Variants in ARIH1 observed in about 807,000 individuals in gnomAD.
ARIH1 encodes ariadne RBR E3 ubiquitin protein ligase 1.
Under a neutral mutation model 85.0 loss-of-function variants are expected in ARIH1, and 8 were observed. That is an observed-to-expected ratio of 0.09 (90% CI 0.06 to 0.17). ARIH1 has a LOEUF of 0.17. Ranked by LOEUF, ARIH1 falls within the 10% of genes least tolerant of loss-of-function variation. ARIH1 has a pLI of 1.00. For missense variants in ARIH1, 311 were observed against 718.1 expected, an observed-to-expected ratio of 0.43 and a Z score of 6.48; for synonymous variants, 238 against 253.6, an observed-to-expected ratio of 0.94 and a Z score of 0.59.
intron 1 of ARIH1, among the ~76,000 whole-genome samples, chr15:72,477,127 G>C (rs2063798040): frequency 6.6e-6 from 1 of 152,196 alleles, no homozygotes; most frequent in Non-Finnish European, 1.5e-5. Context: ...TTTCAGAAAA[G>C]TTATGCTAGT....
At chr15:72,482,710 A>AG (rs2063821079) in intron 1 of ARIH1, among the ~76,000 whole-genome samples, 1 of 152,192 alleles carries the variant, frequency 6.6e-6, no homozygotes, top group Non-Finnish European at 1.5e-5. Flanking sequence ...GCTTAAAAAA[A>AG]CAAGGATCTG....
rs918145522 is a variant in ARIH1, at chr15:72,587,144, T to G, written c.*3852T>G. 22 of 461,718 alleles carry G rather than the reference T, an allele frequency of 4.8e-5. 1 individual carries two copies. The highest frequency in any genetic ancestry group is 9.6e-5 in the Non-Finnish European group (22 of 228,108). The allele number at this position is 461,718 out of a possible 1,614,324, so 28.6% of individuals were successfully genotyped here. A position where few individuals can be genotyped will look rare whatever the true frequency, so the allele number is the denominator to read the frequency against. The stretch of plus-strand genomic sequence containing the variant: ...AAACAAGTGGAGAAGAAATTGCCAT[T>G]TTTTATAAAGGAGGAAGATAAGGCT... On this transcript the variant is annotated 3_prime_UTR_variant, in exon 14 of 14. Transcript: ENST00000379887.
chr15:72,534,493 A>C (rs1479924031), intron 2 of ARIH1, among the ~76,000 whole-genome samples: 2 of 152,216 alleles, frequency 1.3e-5, no homozygotes, highest in Non-Finnish European at 2.9e-5. Flanking sequence ...ACACAGACAT[A>C]GGAAAAGGAT....
chr15:72,476,457 C>T (rs1048390550), intron 1 of ARIH1, among the ~76,000 whole-genome samples: 2 of 152,124 alleles, frequency 1.3e-5, no homozygotes, highest in African/African-American at 2.4e-5. Context: ...CTCCGCCTGC[C>T]GGGTTCATGC....
chr15:72,503,078 C>T lies in ARIH1; in HGVS notation c.376-14989C>T, dbSNP rs146519846. 3.9e-4 allele frequency among the ~76,000 whole-genome samples: 60 copies of T among 152,306 alleles called. 1 individual carries two copies. In the Middle Eastern group the frequency reaches 0.014, roughly 35 times the overall value. ...TTGTCTCCCTTAGCCCCACTAGGTG[C>T]TTCTCTGTCCTAAGTAGTCTAGAAG... On this transcript the variant is annotated intron_variant, in intron 1 of 13. Transcript: ENST00000379887.
At chr15:72,482,803 A>G (rs1382100860) in intron 1 of ARIH1, among the ~76,000 whole-genome samples, 1 of 151,112 alleles carries the variant, frequency 6.6e-6, no homozygotes, top group Non-Finnish European at 1.5e-5. Flanking sequence ...CAAGGCTGCA[A>G]CCAAGGTGAC....
At chr15:72,536,727 T>C (rs1341542093) in intron 2 of ARIH1, among the ~76,000 whole-genome samples, 2 of 152,200 alleles carry the variant, frequency 1.3e-5, no homozygotes, top group Non-Finnish European at 2.9e-5. Flanking sequence ...CCTGCCTTCA[T>C]CCTGGCTCAG....
chr15:72,476,850 A>G (rs569965087), intron 1 of ARIH1, among the ~76,000 whole-genome samples: 228 of 152,334 alleles, frequency 1.5e-3, no homozygotes, highest in Non-Finnish European at 2.8e-3. Flanking sequence ...TTGTGTTTTC[A>G]GTGGAAAAAC....
At position 72,583,392 on chromosome 15, in the gene ARIH1, C is replaced by T. The variant is rs2064302426; in HGVS notation, c.*100C>T. ...CAAACAAGGAGGCACTAAGCCTATT[C>T]TGACACCACTGGTCTGTAGTACCAG... On this transcript the variant is annotated 3_prime_UTR_variant, in exon 14 of 14. Transcript: ENST00000379887. 1.2e-6 allele frequency: 1 copy of T among 841,940 alleles called. No homozygotes were observed. The highest frequency in any genetic ancestry group is 1.7e-5 in the African/African-American group (1 of 58,914). 52.2% of individuals were successfully genotyped at this position (841,940 alleles called of 1,614,324 possible). A position where few individuals can be genotyped will look rare whatever the true frequency, so the allele number is the denominator to read the frequency against.
chr15:72,559,166 A>G (rs2064187164), intron 5 of ARIH1, among the ~76,000 whole-genome samples: 1 of 152,212 alleles, frequency 6.6e-6, no homozygotes, highest in Admixed American at 6.5e-5. Context: ...TTCACATCCC[A>G]CAAATAACTA....
rs1203271393 is a variant in ARIH1 at position 72,474,444 on chromosome 15, C to T, written c.-196C>T. Reference sequence around the variant, plus strand: ...CAAGCGGCCCCCTCGCTCCCTCCCTCCCTCCTCCGCGCCCTCCCCGCCGCC... The same window carrying T: ...CAAGCGGCCCCCTCGCTCCCTCCCTTCCTCCTCCGCGCCCTCCCCGCCGCC... On this transcript the variant is annotated 5_prime_UTR_variant, in exon 1 of 14. Coordinates refer to ENST00000379887, the MANE Select transcript of ARIH1 (RefSeq NM_005744.5). The T allele has an allele frequency of 1.2e-5, 8 of 688,962 alleles. No individual in the cohort carries two copies. In the East Asian group the frequency reaches 2.6e-4, roughly 22 times the overall value. 42.7% of individuals were successfully genotyped at this position (688,962 alleles called of 1,614,324 possible). A position where few individuals can be genotyped will look rare whatever the true frequency, so the allele number is the denominator to read the frequency against.
In ARIH1 at chr15:72,491,100, A is replaced by C. The variant is rs573214622; in HGVS notation, c.375+16086A>C. On this transcript the variant is annotated intron_variant, in intron 1 of 13. Coordinates refer to ENST00000379887, the MANE Select transcript of ARIH1 (RefSeq NM_005744.5). ...CACTGCACTCCAGGCTGGATGACAG[A>C]GTAAGACTCTTGTCTCGAAAAAAAT... 7.2e-5 allele frequency among the ~76,000 whole-genome samples: 11 copies of C among 152,350 alleles called. No homozygotes were observed. In the South Asian group the frequency reaches 2.3e-3, roughly 32 times the overall value.
rs1054207745 is a variant in ARIH1, at chr15:72,595,084, T to G, written c.*11792T>G. 2 of 152,198 alleles carry G rather than the reference T, an allele frequency of 1.3e-5. No individual in the cohort carries two copies. Among genetic ancestry groups the G allele is most frequent in the African/African-American group, 4.8e-5 (2 of 41,450 alleles). 9.4% of individuals were successfully genotyped at this position (152,198 alleles called of 1,614,324 possible). A position where few individuals can be genotyped will look rare whatever the true frequency, so the allele number is the denominator to read the frequency against. ...GCGTTTTTAGCTTTTAATAAGATTA[T>G]TATGTATTTCTCTTTTTATTTTGTT... is the stretch of plus-strand genomic sequence containing the variant. On this transcript the variant is annotated 3_prime_UTR_variant, in exon 14 of 14. Transcript: ENST00000379887.
At chr15:72,475,191 C>A (rs528800456) in intron 1 of ARIH1, 177 bp downstream of exon 1, 1 of 1,317,680 alleles carries the variant, frequency 7.6e-7, no homozygotes, top group Non-Finnish European at 9.8e-7. Flanking sequence ...AGAGGTTCGC[C>A]GATTAGCCGG....
intron 2 of ARIH1, among the ~76,000 whole-genome samples, chr15:72,535,236 C>T (rs1229489048): frequency 5.3e-5 from 8 of 152,114 alleles, no homozygotes; most frequent in African/African-American, 1.9e-4. Context: ...CAGGCGTGAG[C>T]CACCGCGCCC....
intron 11 of ARIH1, among the ~76,000 whole-genome samples, chr15:72,576,282 G>C (rs1306094825): frequency 6.6e-6 from 1 of 151,990 alleles, no homozygotes; most frequent in African/African-American, 2.4e-5. Flanking sequence ...GAGGCGGGCG[G>C]ATCACAAGGT....
chr15:72,552,488 C>A (rs1286915587), intron 3 of ARIH1, among the ~76,000 whole-genome samples: 1 of 152,104 alleles, frequency 6.6e-6, no homozygotes, highest in Non-Finnish European at 1.5e-5. Context: ...CAGGGTTTCG[C>A]CATGTTGGCC....
intron 1 of ARIH1, among the ~76,000 whole-genome samples, chr15:72,490,804 C>T (rs2063856069): frequency 6.6e-6 from 1 of 152,072 alleles, no homozygotes; most frequent in Non-Finnish European, 1.5e-5. Flanking sequence ...TGTTTTGAGC[C>T]TTTGAGTCCC....
chr15:72,602,135 A>G lies in ARIH1; in HGVS notation c.*18843A>G, dbSNP rs905569330. 2.0e-5 allele frequency: 3 copies of G among 152,256 alleles called. No individual in the cohort carries two copies. Among genetic ancestry groups the G allele is most frequent in the African/African-American group, 7.2e-5 (3 of 41,466 alleles). 9.4% of individuals were successfully genotyped at this position (152,256 alleles called of 1,614,324 possible). ...GTTATTACAAATAATGCTGCATTGAATACCTTTGTATGTAAAGTCATTTCC... is the reference window on the plus strand; with the variant it reads ...GTTATTACAAATAATGCTGCATTGAGTACCTTTGTATGTAAAGTCATTTCC... On this transcript the variant is annotated 3_prime_UTR_variant, in exon 14 of 14. Coordinates refer to ENST00000379887, the MANE Select transcript of ARIH1 (RefSeq NM_005744.5).
Sources: allele counts gnomAD v4.1 joint callset (sites outside exome capture counted in the v4.1 genomes callset), GRCh38; gene constraint gnomAD v4.1.1; transcripts MANE v1.5; gene names NCBI Gene and HGNC (gene_info 2026-07-23, HGNC 2026-07-21).